TMF1: variants seen among roughly 807,000 people sequenced by gnomAD.
The protein encoded by TMF1 is TATA element modulatory factor 1.
TMF1 carries 71 observed loss-of-function variants against 126.5 expected under a neutral mutation model. The observed-to-expected ratio is 0.56, with a 90% CI of 0.46 to 0.68. The LOEUF (loss-of-function observed/expected upper bound fraction) is 0.68, where lower values mean the gene tolerates loss of function less well. Ranked by LOEUF, TMF1 falls within the 30% of genes least tolerant of loss-of-function variation. The pLI is 0.00. For missense variants in TMF1, 1,259 were observed against 1,253.2 expected, an observed-to-expected ratio of 1.00 and a Z score of -0.07; for synonymous variants, 461 against 430.5, an observed-to-expected ratio of 1.07 and a Z score of -0.88.
At position 69,045,920 on chromosome 3, in the gene TMF1, G is replaced by A. The variant is rs530005528; in HGVS notation, c.1348-1325C>T. On this transcript the variant is annotated intron_variant, in intron 2 of 16. Transcript: ENST00000398559. ...CTAAAAATCAAAAAAATAGCCAGGC[G>A]TGGTGCGAGCCTATGGTCCCAGCTA... is the stretch of plus-strand genomic sequence containing the variant. 1.4e-4 allele frequency among the ~76,000 whole-genome samples: 21 copies of A among 152,078 alleles called. No homozygotes were observed. The East Asian group carries it at 3.7e-3, about 27-fold the overall frequency.
rs932565455 is a variant in TMF1, at chr3:69,021,041, G to T, written c.*2136C>A. ...CTTATCCACGATTTTGCTTTCTGTG[G>T]TTTCGGTTACTCACGGTCAACCACA... On this transcript the variant is annotated 3_prime_UTR_variant, in exon 17 of 17. Transcript: ENST00000398559. The T allele has an allele frequency of 1.3e-5, 2 of 152,148 alleles. No individual in the cohort carries two copies. Among genetic ancestry groups the T allele is most frequent in the Non-Finnish European group, 2.9e-5 (2 of 68,008 alleles). The allele number at this position is 152,148 out of a possible 1,614,324, so 9.4% of individuals were successfully genotyped here. A position where few individuals can be genotyped will look rare whatever the true frequency, so the allele number is the denominator to read the frequency against.
intron 8 of TMF1, 147 bp from the exon 9 acceptor site, chr3:69,035,262 C>A: frequency 1.6e-6 from 1 of 624,592 alleles, no homozygotes; most frequent in Non-Finnish European, 2.8e-6. Context: ...ATTATCACAT[C>A]TCTCATTCAT....
intron 13 of TMF1, 93 bp downstream of exon 13, chr3:69,027,807 G>C: frequency 4.6e-6 from 3 of 653,052 alleles, no homozygotes; most frequent in Non-Finnish European, 5.1e-6. Context: ...GGACAAGCTT[G>C]TTATAAAGCA....
At position 69,052,075 on chromosome 3, in the gene TMF1, G is replaced by A. The variant is rs578245247; in HGVS notation, c.12C>T (p.Phe4=). 1.1e-5 allele frequency: 17 copies of A among 1,611,426 alleles called. No individual in the cohort carries two copies. Among genetic ancestry groups the A allele is most frequent in the Middle Eastern group, 1.7e-4 (1 of 6,058 alleles). Residue 4 remains phenylalanine, a synonymous_variant, in exon 1 of 17, where the codon TTC becomes TTT. Transcript: ENST00000398559. ...CGAAGCTGGAGAGCTGGGAGGCGTT[G>A]AACCAACTCATCGCCCCTCCTCAGC... MSW[F]NASQLSSFAK...
rs1167551977 is a variant in TMF1 at position 69,023,320 on chromosome 3, C to G, written c.3139G>C (p.Asp1047His). 6.2e-7 allele frequency: 1 copy of G among 1,603,598 alleles called. No homozygotes were observed. Among genetic ancestry groups the G allele is most frequent in the South Asian group, 1.1e-5 (1 of 88,752 alleles). The part of the protein sequence containing the change: ...EIPKLRTQLR[D>H]LDQRYNTILQ... The stretch of plus-strand genomic sequence containing the variant: ...ATAGTGTTGTACCTTTGATCCAAAT[C>G]CTGAAAAATGTATTTGTTTACAATT... The change falls in exon 17 of 17, where the codon GAT becomes CAT. Residue 1047 changes from aspartate (D) to histidine (H), a missense_variant and splice_region_variant. Coordinates refer to ENST00000398559, the MANE Select transcript of TMF1 (RefSeq NM_007114.3).
In TMF1 at chr3:69,047,937, G is replaced by A. The variant is rs1299330235; in HGVS notation, c.768C>T (p.Thr256=). The A allele has an allele frequency of 2.5e-6, 4 of 1,613,838 alleles. No homozygotes were observed. The highest frequency in any genetic ancestry group is 3.4e-6 in the Non-Finnish European group (4 of 1,180,022). ...CATGATCTAAAACTTCAATATCACTGGTGGTAGAAGTACCTGATGAAAAGG... is the reference window on the plus strand; with the variant it reads ...CATGATCTAAAACTTCAATATCACTAGTGGTAGAAGTACCTGATGAAAAGG... The part of the protein sequence containing the change: ...VSTFSSGTST[T]SDIEVLDHES... Residue 256 remains threonine, a synonymous_variant, in exon 2 of 17, where the codon ACC becomes ACT. Transcript: ENST00000398559.
rs1448263787 is a variant in TMF1 at position 69,047,664 on chromosome 3, TTCA to T, written c.1038_1040del (p.Asp346del). 3.1e-6 allele frequency: 5 copies of T among 1,614,106 alleles called. No homozygotes were observed. Among genetic ancestry groups the T allele is most frequent in the Admixed American group, 1.7e-5 (1 of 60,028 alleles). On this transcript the variant is annotated inframe_deletion, in exon 2 of 17. Transcript: ENST00000398559. ...CTAAAGCATATCCCTTGCCTGACAATTCATCATCTGAATTGATTTCACTTACAC... is the reference window on the plus strand; with the variant it reads ...CTAAAGCATATCCCTTGCCTGACAATTCATCTGAATTGATTTCACTTACAC...
chr3:69,037,233 G>A (rs1045927217), intron 8 of TMF1, among the ~76,000 whole-genome samples: 7 of 152,196 alleles, frequency 4.6e-5, no homozygotes, highest in African/African-American at 1.2e-4. Context: ...AGTGGCTCAC[G>A]CCTGTAATCC....
chr3:69,039,822 T>C, intron 5 of TMF1, 129 bp from the exon 6 acceptor site: 2 of 997,916 alleles, frequency 2.0e-6, no homozygotes, highest in Non-Finnish European at 2.9e-6. Flanking sequence ...CCCACAATGT[T>C]ACAACTAATT....
Position 69,039,020 on chromosome 3 carries a change from T to C in TMF1, c.1828-11A>G, listed in dbSNP as rs751747249. On this transcript the variant is annotated splice_polypyrimidine_tract_variant and intron_variant, in intron 6 of 16. Coordinates refer to ENST00000398559, the MANE Select transcript of TMF1 (RefSeq NM_007114.3). The stretch of plus-strand genomic sequence containing the variant: ...TTTGCCATCAAGGACCTATATGTTA[T>C]AAAAACAGACAAAAGTATTTTTCAA... The C allele has an allele frequency of 1.3e-6, 2 of 1,512,864 alleles. No individual in the cohort carries two copies. The highest frequency in any genetic ancestry group is 2.3e-5 in the Admixed American group (1 of 44,394). The allele number at this position is 1,512,864 out of a possible 1,614,324, so 93.7% of individuals were successfully genotyped here. A position where few individuals can be genotyped will look rare whatever the true frequency, so the allele number is the denominator to read the frequency against.
chr3:69,035,045 T>G lies in TMF1; in HGVS notation c.2222A>C (p.His741Pro), dbSNP rs1177760899. The change falls in exon 9 of 17, where the codon CAT (histidine) becomes CCT (proline). Residue 741 changes from histidine to proline, a missense_variant. Coordinates refer to ENST00000398559, the MANE Select transcript of TMF1 (RefSeq NM_007114.3). ...AAARKEDYLRHEIGELQQRLQ... is the reference protein window; with the variant it reads ...AAARKEDYLRPEIGELQQRLQ... Reference sequence around the variant, plus strand: ...TACCTGCTGAAGTTCACCGATCTCATGGCGTAAATAATCCTCCTTTCTGGC... The same window carrying G: ...TACCTGCTGAAGTTCACCGATCTCAGGGCGTAAATAATCCTCCTTTCTGGC... The G allele has an allele frequency of 6.2e-7, 1 of 1,614,050 alleles. No individual in the cohort carries two copies. The highest frequency in any genetic ancestry group is 2.2e-5 in the East Asian group (1 of 44,888).
In TMF1 at chr3:69,047,386, G is replaced by A. The variant is rs933243951; in HGVS notation, c.1319C>T (p.Ala440Val). Residue 440 changes from alanine to valine, a missense_variant, in exon 2 of 17, where the codon GCA becomes GTA. Physicochemically the swap from Ala to Val is moderately conservative, Grantham distance 64 (BLOSUM62 0). Coordinates refer to ENST00000398559, the MANE Select transcript of TMF1 (RefSeq NM_007114.3). Reference sequence around the variant, plus strand: ...GCAAACATCTTCCTTCTCAGAAAGTGCTTCTGGCTGACTTTCAGCAGGTTC... The same window carrying A: ...GCAAACATCTTCCTTCTCAGAAAGTACTTCTGGCTGACTTTCAGCAGGTTC... ...QCEPAESQPE[A>V]LSEKEDVCKT... The A allele has an allele frequency of 1.3e-6, 2 of 1,599,154 alleles. No homozygotes were observed. The highest frequency in any genetic ancestry group is 1.1e-5 in the South Asian group (1 of 89,018).
At chr3:69,031,975 A>C (rs1371310582) in intron 10 of TMF1, among the ~76,000 whole-genome samples, 1 of 152,244 alleles carries the variant, frequency 6.6e-6, no homozygotes, top group East Asian at 1.9e-4. Flanking sequence ...TTGCTCTCAA[A>C]AGCTGTCAGA....
rs1296871605 is a variant in TMF1, at chr3:69,020,701, A to C, written c.*2476T>G. 8 of 152,290 alleles carry C rather than the reference A, an allele frequency of 5.3e-5. No individual in the cohort carries two copies. In the South Asian group the frequency reaches 1.4e-3, roughly 28 times the overall value. The allele number at this position is 152,290 out of a possible 1,614,324, so 9.4% of individuals were successfully genotyped here. A position where few individuals can be genotyped will look rare whatever the true frequency, so the allele number is the denominator to read the frequency against. On this transcript the variant is annotated 3_prime_UTR_variant, in exon 17 of 17. Transcript: ENST00000398559. The stretch of plus-strand genomic sequence containing the variant: ...TTCACTTTAACTTACAGAAGTATTG[A>C]GAGATCCAAGTGTTTAACAATCAAA...
intron 1 of TMF1, among the ~76,000 whole-genome samples, chr3:69,049,706 GA>G (rs1441334351): frequency 6.6e-6 from 1 of 152,110 alleles, no homozygotes; most frequent in Non-Finnish European, 1.5e-5. Context: ...TTTTCTTGGG[GA>G]AAAAGTTAAT....
chr3:69,030,468 G>C (rs893273002), intron 10 of TMF1: 1 of 152,412 alleles, frequency 6.6e-6, no homozygotes, highest in Non-Finnish European at 1.5e-5. Context: ...GCCATAGAAA[G>C]AAAAACTGAC....
intron 1 of TMF1, among the ~76,000 whole-genome samples, chr3:69,049,801 C>T (rs1380731557): frequency 1.3e-5 from 2 of 152,056 alleles, no homozygotes; most frequent in African/African-American, 4.8e-5. Context: ...ATGGTATATT[C>T]GTTAAAGTAT....
chr3:69,040,473 T>A (rs990195461), intron 5 of TMF1: 3 of 152,256 alleles, frequency 2.0e-5, no homozygotes, highest in Non-Finnish European at 4.4e-5. Context: ...TGTAACCTCC[T>A]TTCAAATGAG....
At chr3:69,035,368 C>G in intron 8 of TMF1, 1 of 440,880 alleles carries the variant, frequency 2.3e-6, no homozygotes, top group South Asian at 2.8e-5. Flanking sequence ...AAGGCATAGC[C>G]ATTACCATAC....
Sources: allele counts gnomAD v4.1 joint callset (sites outside exome capture counted in the v4.1 genomes callset), GRCh38; gene constraint gnomAD v4.1.1; transcripts MANE v1.5; gene names NCBI Gene and HGNC (gene_info 2026-07-23, HGNC 2026-07-21).